Variants in RNF157 observed in about 807,000 individuals in gnomAD.
The protein encoded by RNF157 is ring finger protein 157.
RNF157 carries 55 observed loss-of-function variants against 88.3 expected under a neutral mutation model. The observed-to-expected ratio is 0.62, with a 90% CI of 0.50 to 0.78. The LOEUF (loss-of-function observed/expected upper bound fraction) is 0.78. Ranked by LOEUF, RNF157 falls within the 30% of genes least tolerant of loss-of-function variation. The probability of loss-of-function intolerance (pLI) is 0.00; values close to 1 mark genes in which losing one functional copy is unlikely to be tolerated. For synonymous variants in RNF157, 334 were observed against 341.2 expected, an observed-to-expected ratio of 0.98 and a Z score of 0.23; for missense variants, 788 against 860.8, an observed-to-expected ratio of 0.92 and a Z score of 1.06.
chr17:76,216,449 A>G (rs1253916013), intron 1 of RNF157, among the ~76,000 whole-genome samples: 1 of 152,234 alleles, frequency 6.6e-6, no homozygotes, highest in African/African-American at 2.4e-5. Flanking sequence ...TTTGCCTTGC[A>G]TTAAAATCAA....
intron 2 of RNF157, among the ~76,000 whole-genome samples, chr17:76,210,321 C>T (rs141212004): frequency 0.011 from 1,746 of 152,118 alleles, 38 homozygotes; most frequent in African/African-American, 0.039. Context: ...CCGCCGGGCG[C>T]AGTGGCTCAT....
In RNF157 at chr17:76,160,281, T is replaced by A. The variant is rs1432490499; in HGVS notation, c.1066-708A>T. On this transcript the variant is annotated intron_variant, in intron 11 of 18. Transcript: ENST00000269391. This position sits in a 1 kb window ranked among gnomAD's most constrained non-coding sequence, Gnocchi z 4.3. ...TGATGAACATCCTTGAATGCCTTTT[T>A]TTCAAATTATGTTCTTGTTATTAAA... 6.6e-6 allele frequency among the ~76,000 whole-genome samples: 1 copy of A among 152,234 alleles called. No individual in the cohort carries two copies. Among genetic ancestry groups the A allele is most frequent in the Non-Finnish European group, 1.5e-5 (1 of 68,038 alleles).
At chr17:76,215,788 G>A (rs9302998) in intron 1 of RNF157, among the ~76,000 whole-genome samples, 82,526 of 152,042 alleles carry the variant, frequency 0.54, 23,951 homozygotes, top group African/African-American at 0.76. Flanking sequence ...ATGCAACCCA[G>A]ATCAAAGCAA....
At chr17:76,197,063 T>C (rs1417489661) in intron 2 of RNF157, among the ~76,000 whole-genome samples, 2 of 152,066 alleles carry the variant, frequency 1.3e-5, no homozygotes, top group African/African-American at 4.8e-5. Flanking sequence ...CCTAAACCGG[T>C]TGATATCAGA....
chr17:76,211,432 T>C (rs1218505765), intron 2 of RNF157, among the ~76,000 whole-genome samples: 6 of 152,214 alleles, frequency 3.9e-5, no homozygotes, highest in African/African-American at 1.4e-4. Flanking sequence ...ATCTTTATTG[T>C]TAATTAAACA....
At chr17:76,149,222 C>T (rs995353837) in intron 18 of RNF157, among the ~76,000 whole-genome samples, 5 of 151,932 alleles carry the variant, frequency 3.3e-5, no homozygotes, top group East Asian at 1.9e-4. Flanking sequence ...GTGGTGAGGA[C>T]GGGAACCAAC....
chr17:76,155,322 A>C lies in RNF157; in HGVS notation c.1699-5T>G, dbSNP rs149838003. On this transcript the variant is annotated splice_region_variant and splice_polypyrimidine_tract_variant and intron_variant, in intron 15 of 18. Coordinates refer to ENST00000269391, the MANE Select transcript of RNF157 (RefSeq NM_052916.3). ...TGGAGACTCCGCTGGCAGCCCCTGC[A>C]GAAGAGCACAGTTTTTACAGGCTCT... is the stretch of plus-strand genomic sequence containing the variant. 587 of 1,614,058 alleles carry C rather than the reference A, an allele frequency of 3.6e-4. 5 individuals are homozygous for C. The East Asian group carries it at 0.012, about 33-fold the overall frequency.
At position 76,195,034 on chromosome 17, in the gene RNF157, CA is replaced by C. The variant is rs1438883824; in HGVS notation, c.207+17329del. On this transcript the variant is annotated intron_variant, in intron 2 of 18. Coordinates refer to ENST00000269391, the MANE Select transcript of RNF157 (RefSeq NM_052916.3). This position sits in a 1 kb window ranked among gnomAD's most constrained non-coding sequence, Gnocchi z 4.4. ...TGTCTCAAAAAAACAAAACAAAACACAAGAGCAGAGGGAATGGGAGAGGATA... is the reference window on the plus strand; with the variant it reads ...TGTCTCAAAAAAACAAAACAAAACACAGAGCAGAGGGAATGGGAGAGGATA... Among the ~76,000 whole-genome samples, 2 of 151,952 alleles carry C rather than the reference CA, an allele frequency of 1.3e-5. No homozygotes were observed. Among genetic ancestry groups the C allele is most frequent in the Admixed American group, 6.6e-5 (1 of 15,240 alleles).
intron 1 of RNF157, among the ~76,000 whole-genome samples, chr17:76,224,448 T>C (rs1598442476): frequency 6.6e-6 from 1 of 152,268 alleles, no homozygotes; most frequent in African/African-American, 2.4e-5. Context: ...TAAATTTTCA[T>C]ATATTTGAAA....
At chr17:76,181,738 T>C (rs2069191606) in intron 2 of RNF157, among the ~76,000 whole-genome samples, 1 of 151,000 alleles carries the variant, frequency 6.6e-6, no homozygotes, top group Middle Eastern at 3.2e-3. Context: ...TGAAACCTCA[T>C]CTCTACTAAA....
chr17:76,182,443 C>A (rs1598410121), intron 2 of RNF157, among the ~76,000 whole-genome samples: 1 of 135,214 alleles, frequency 7.4e-6, no homozygotes, highest in African/African-American at 3.0e-5. Flanking sequence ...GGCACACACG[C>A]ATTTAGTCTG....
In RNF157 at chr17:76,155,283, G is replaced by C; in HGVS notation, c.1733C>G (p.Ala578Gly). ...ATCCTGCTCTCCAGCTGGGAGGCCA[G>C]CAAAGTTGCTGTCTGGAGACTCCGC... ...LPAESPDSNF[A>G]GLPAGEQDAE... The change falls in exon 16 of 19, where the codon GCT (alanine) becomes GGT (glycine). Residue 578 changes from alanine (A) to glycine (G), a missense_variant. Coordinates refer to ENST00000269391, the MANE Select transcript of RNF157 (RefSeq NM_052916.3). The C allele has an allele frequency of 1.9e-6, 3 of 1,614,226 alleles. No individual in the cohort carries two copies. Among genetic ancestry groups the C allele is most frequent in the African/African-American group, 1.3e-5 (1 of 75,070 alleles).
chr17:76,173,858 A>C, intron 2 of RNF157, 68 bp from the exon 3 acceptor site: 2 of 1,358,752 alleles, frequency 1.5e-6, no homozygotes, highest in Non-Finnish European at 2.1e-6. Flanking sequence ...CTCGCTTTAC[A>C]GTTTGCCAAG....
At chr17:76,166,860 G>A in intron 5 of RNF157, 149 bp downstream of exon 5, 1 of 656,830 alleles carries the variant, frequency 1.5e-6, no homozygotes. Flanking sequence ...AATAAGCAGA[G>A]CTTTAAAAGG....
intron 11 of RNF157, 112 bp from the exon 12 acceptor site, chr17:76,159,685 G>A (rs1174237221): frequency 9.0e-6 from 7 of 777,332 alleles, no homozygotes; most frequent in African/African-American, 1.8e-5. Flanking sequence ...TCTTGGGGGG[G>A]TCTGGTAAGA....
At chr17:76,225,967 C>T in intron 1 of RNF157, 1 of 1,611,094 alleles carries the variant, frequency 6.2e-7, no homozygotes, top group Non-Finnish European at 8.5e-7. Context: ...TTTTCAGCTT[C>T]TTATCCAGTT....
chr17:76,159,586 G>T lies in RNF157; in HGVS notation c.1066-13C>A. On this transcript the variant is annotated splice_polypyrimidine_tract_variant and intron_variant, in intron 11 of 18. Coordinates refer to ENST00000269391, the MANE Select transcript of RNF157 (RefSeq NM_052916.3). ...TATTCTCTGAGGACTAGGGGAATCA[G>T]AGACAGGTTGAAAAATTAATTAGGT... 1 of 1,572,414 alleles carries T rather than the reference G, an allele frequency of 6.4e-7. No individual in the cohort carries two copies. The highest frequency in any genetic ancestry group is 1.1e-5 in the South Asian group (1 of 87,520).
intron 12 of RNF157, 59 bp downstream of exon 12, chr17:76,159,276 G>C: frequency 7.0e-7 from 1 of 1,426,046 alleles, no homozygotes; most frequent in Non-Finnish European, 9.9e-7. Context: ...GCACCAAGGA[G>C]GGATGAAGCA....
At position 76,212,319 on chromosome 17, in the gene RNF157, T is replaced by C. The variant is rs776921225; in HGVS notation, c.207+45A>G. 1.2e-5 allele frequency: 16 copies of C among 1,297,644 alleles called. No individual in the cohort carries two copies. In the South Asian group the frequency reaches 1.9e-4, roughly 16 times the overall value. 80.4% of individuals were successfully genotyped at this position (1,297,644 alleles called of 1,614,324 possible). A position where few individuals can be genotyped will look rare whatever the true frequency, so the allele number is the denominator to read the frequency against. ...CTTATTTTTGTTACATTTTTTGAATTGGCCACTTAAGCTCCAAGTAGGAGT... is the reference window on the plus strand; with the variant it reads ...CTTATTTTTGTTACATTTTTTGAATCGGCCACTTAAGCTCCAAGTAGGAGT... On this transcript the variant is annotated intron_variant, in intron 2 of 18. Transcript: ENST00000269391.
Sources: allele counts gnomAD v4.1 joint callset (sites outside exome capture counted in the v4.1 genomes callset), GRCh38; gene constraint gnomAD v4.1.1; non-coding constraint Gnocchi (gnomAD v3.1); transcripts MANE v1.5; gene names NCBI Gene and HGNC (gene_info 2026-07-23, HGNC 2026-07-21).